Variants in DAB1 observed in about 807,000 individuals in gnomAD.
DAB1 encodes DAB adaptor protein 1, also known as disabled homolog 1.
Under a neutral mutation model 64.6 loss-of-function variants are expected in DAB1, and 15 were observed. That is an observed-to-expected ratio of 0.23 (90% CI 0.16 to 0.36). DAB1 has a LOEUF of 0.36. Among genes scored for constraint, DAB1 ranks in the 10% least tolerant of loss-of-function variants. The pLI is 1.00. For missense variants in DAB1, 596 were observed against 706.7 expected (o/e 0.84, Z 1.78); for synonymous variants, 235 against 251.9 (o/e 0.93, Z 0.64).
intron 7 of DAB1, among the ~76,000 whole-genome samples, chr1:57,587,475 T>A (rs1645394006): frequency 6.6e-6 from 1 of 152,184 alleles, no homozygotes. Context: ...AAAGATTGTA[T>A]AATGTTATTT....
At chr1:57,214,926 A>AAAAAAG (rs1557954175) in intron 2 of DAB1, among the ~76,000 whole-genome samples, 2 of 150,556 alleles carry the variant, frequency 1.3e-5, no homozygotes, top group Admixed American at 6.6e-5. Context: ...AAAAAAAAAA[A>AAAAAAG]AAAAGAAAGA....
rs35461459 is a variant in DAB1 at position 58,433,245 on chromosome 1, T to G, written n.257+72815A>C. The stretch of plus-strand genomic sequence containing the variant: ...CCCTCTTAACAAAAAGCCCTATGAG[T>G]AAATAGTAGGGAGGGTAAGAGGGTC... On this transcript the variant is annotated intron_variant and non_coding_transcript_variant, in intron 3 of 20. Transcript: ENST00000485760. 5.2e-3 allele frequency among the ~76,000 whole-genome samples: 786 copies of G among 151,774 alleles called. 7 individuals carry two copies. Among genetic ancestry groups the G allele is most frequent in the Non-Finnish European group, 5.2e-3 (352 of 67,934 alleles).
rs373346890 is a variant in DAB1 at position 57,062,875 on chromosome 1, T to C, written c.723+9A>G. The C allele has an allele frequency of 9.9e-6, 16 of 1,612,134 alleles. No homozygotes were observed. The South Asian group carries it at 1.8e-4, about 18-fold the overall frequency. Reference sequence around the variant, plus strand: ...CGGAAACCTGGCAGTGGAGAGGAGATGTACTTACACTTACAGGTTGACTTT... The same window carrying C: ...CGGAAACCTGGCAGTGGAGAGGAGACGTACTTACACTTACAGGTTGACTTT... On this transcript the variant is annotated intron_variant, in intron 9 of 14. Coordinates refer to ENST00000371236, the MANE Select transcript of DAB1 (RefSeq NM_001365792.1).
chr1:57,695,354 A>AAGAAAGGAAGGAAAG (rs1428816079), intron 6 of DAB1, among the ~76,000 whole-genome samples: 1 of 20,624 alleles, frequency 4.8e-5, no homozygotes, highest in African/African-American at 1.2e-4. Flanking sequence ...GAAAGAAAGA[A>AAGAAAGGAAGGAAAG]AAGAAAGAAG....
intron 2 of DAB1, among the ~76,000 whole-genome samples, chr1:57,149,767 C>T (rs565502336): frequency 6.6e-6 from 1 of 152,220 alleles, no homozygotes; most frequent in African/African-American, 2.4e-5. Flanking sequence ...CCTCTGTGTT[C>T]TGCTACAGAA....
intron 6 of DAB1, among the ~76,000 whole-genome samples, chr1:57,800,239 A>G (rs72916572): frequency 0.069 from 10,485 of 152,176 alleles, 1,255 homozygotes; most frequent in African/African-American, 0.24. Flanking sequence ...TCAAAATGAA[A>G]CATGGTGGGG....
chr1:58,300,504 A>G (rs1016441666), intron 4 of DAB1, among the ~76,000 whole-genome samples: 1 of 150,214 alleles, frequency 6.7e-6, no homozygotes, highest in Non-Finnish European at 1.5e-5. Context: ...CTGAGATCAC[A>G]CTATTGCACT....
At chr1:57,955,766 G>A (rs1645377636) in intron 5 of DAB1, among the ~76,000 whole-genome samples, 1 of 151,792 alleles carries the variant, frequency 6.6e-6, no homozygotes, top group African/African-American at 2.4e-5. Context: ...GAGGTTTAAG[G>A]TATTGGATTA....
At chr1:57,930,787 T>C (rs557146938) in intron 5 of DAB1, among the ~76,000 whole-genome samples, 5 of 152,196 alleles carry the variant, frequency 3.3e-5, no homozygotes, top group African/African-American at 1.2e-4. Context: ...TCTACATAGA[T>C]TATTACATAA....
At chr1:57,367,994 A>G (rs1440791152) in intron 1 of DAB1, among the ~76,000 whole-genome samples, 1 of 152,202 alleles carries the variant, frequency 6.6e-6, no homozygotes, top group Non-Finnish European at 1.5e-5. Context: ...AGGCCCAGGA[A>G]GGCTTGGAAA....
intron 2 of DAB1, among the ~76,000 whole-genome samples, chr1:57,178,698 TG>T (rs1297796443): frequency 6.6e-6 from 1 of 152,128 alleles, no homozygotes; most frequent in East Asian, 1.9e-4. Context: ...TGCCTTGATG[TG>T]GGTAGGTGTT....
intron 6 of DAB1, among the ~76,000 whole-genome samples, chr1:57,726,361 T>C (rs904029262): frequency 1.3e-5 from 2 of 152,098 alleles, no homozygotes; most frequent in African/African-American, 4.8e-5. Flanking sequence ...CCATCAGGAA[T>C]AGGGACTAGG....
rs1644100786 is a variant in DAB1, at chr1:57,879,046, A to G, written n.87+4953T>C. Among the ~76,000 whole-genome samples, 3 of 151,970 alleles carry G rather than the reference A, an allele frequency of 2.0e-5. No individual in the cohort carries two copies. In the South Asian group the frequency reaches 6.2e-4, roughly 32 times the overall value. ...TTGAATACTATTCCATTTTGTATCT[A>G]TATCTCATTTTTTATCCATTCATCT... On this transcript the variant is annotated intron_variant and non_coding_transcript_variant, in intron 1 of 1. Transcript: ENST00000477280.
At chr1:57,107,856 C>G (rs1655307804) in intron 4 of DAB1, among the ~76,000 whole-genome samples, 1 of 152,108 alleles carries the variant, frequency 6.6e-6, no homozygotes, top group Non-Finnish European at 1.5e-5. Context: ...CTGCTTCTTC[C>G]CAAGCTTTGT....
chr1:57,493,076 G>A (rs1644184506), intron 7 of DAB1, among the ~76,000 whole-genome samples: 1 of 152,026 alleles, frequency 6.6e-6, no homozygotes, highest in African/African-American at 2.4e-5. Flanking sequence ...TCCCCCATGG[G>A]CTGTTAGTAC....
chr1:57,695,396 GAAAGAAAGAAAGA>G (rs1557427946), intron 6 of DAB1, among the ~76,000 whole-genome samples: 47 of 83,880 alleles, frequency 5.6e-4, no homozygotes, highest in African/African-American at 2.0e-3. Flanking sequence ...AAGAAAGAAA[GAAAGAAAGAAAGA>G]AAGAAAGAAA....
At chr1:58,337,272 A>C (rs1663141003) in intron 4 of DAB1, among the ~76,000 whole-genome samples, 1 of 149,718 alleles carries the variant, frequency 6.7e-6, no homozygotes, top group Non-Finnish European at 1.5e-5. Flanking sequence ...ACAGAGCGAG[A>C]CTCTGTCTCA....
At chr1:57,926,517 T>A (rs1042527118) in intron 5 of DAB1, among the ~76,000 whole-genome samples, 7 of 152,160 alleles carry the variant, frequency 4.6e-5, no homozygotes, top group African/African-American at 1.7e-4. Context: ...TATGCCTCTG[T>A]CCCTAGCCCA....
intron 2 of DAB1, among the ~76,000 whole-genome samples, chr1:57,224,160 T>C (rs949177378): frequency 6.6e-6 from 1 of 152,192 alleles, no homozygotes. Context: ...GTGCCTAATA[T>C]AGTGTATGGA....
Sources: allele counts gnomAD v4.1 joint callset (sites outside exome capture counted in the v4.1 genomes callset), GRCh38; gene constraint gnomAD v4.1.1; transcripts MANE v1.5; gene names NCBI Gene and HGNC (gene_info 2026-07-23, HGNC 2026-07-21).